Variants in XKR3 observed in about 807,000 individuals in gnomAD.
XKR3 encodes XK related 3.
Under a neutral mutation model 40.3 loss-of-function variants are expected in XKR3, and 27 were observed. The observed-to-expected ratio is 0.67, with a 90% CI of 0.49 to 0.92. XKR3 has a LOEUF of 0.92. Among genes scored for constraint, XKR3 ranks in the 40% least tolerant of loss-of-function variants. The pLI, the probability that XKR3 is intolerant of heterozygous loss-of-function variation, is 0.00. For synonymous variants in XKR3, 193 were observed against 195.4 expected (o/e 0.99, Z 0.10); for missense variants, 472 against 537.6 (o/e 0.88, Z 1.21).
chr22:16,814,529 G>A (rs73159895), intron 1 of XKR3, among the ~76,000 whole-genome samples: 211 of 152,256 alleles, frequency 1.4e-3, no homozygotes, highest in Non-Finnish European at 2.5e-3. Flanking sequence ...CTGGGATTTG[G>A]TAGAGACTTA....
intron 2 of XKR3, among the ~76,000 whole-genome samples, chr22:16,807,025 A>G (rs995465629): frequency 1.3e-5 from 2 of 152,240 alleles, no homozygotes; most frequent in African/African-American, 4.8e-5. Flanking sequence ...AATAAAATTT[A>G]TCAACATCTA....
chr22:16,814,485 A>T (rs1458116582), intron 1 of XKR3, among the ~76,000 whole-genome samples: 1 of 152,226 alleles, frequency 6.6e-6, no homozygotes, highest in Non-Finnish European at 1.5e-5. Context: ...TAAGAATAGT[A>T]GAATTGCCAT....
chr22:16,794,515 C>T lies in XKR3; in HGVS notation c.589+5256G>A, dbSNP rs1244105053. 1.7e-4 allele frequency among the ~76,000 whole-genome samples: 26 copies of T among 152,218 alleles called. No individual in the cohort carries two copies. In the East Asian group the frequency reaches 2.1e-3, roughly 12 times the overall value. On this transcript the variant is annotated intron_variant, in intron 3 of 3. Coordinates refer to ENST00000684488, the MANE Select transcript of XKR3 (RefSeq NM_001386955.1). ...ACAATTATTCTCAGACAAACAAATG[C>T]TAAGGGCATACACTTTAAATAGATT...
intron 1 of XKR3, among the ~76,000 whole-genome samples, chr22:16,810,827 T>C (rs1447531884): frequency 1.3e-5 from 2 of 152,242 alleles, no homozygotes; most frequent in Admixed American, 6.5e-5. Context: ...TTCTTTTTCT[T>C]GGTCAGGGCC....
At chr22:16,805,026 G>T (rs1175072410) in intron 2 of XKR3, among the ~76,000 whole-genome samples, 3 of 152,178 alleles carry the variant, frequency 2.0e-5, no homozygotes, top group Non-Finnish European at 2.9e-5. Context: ...TCAAAAATAA[G>T]TGAAACATGT....
rs563979156 is a variant in XKR3, at chr22:16,810,461, A to T, written c.-10-2378T>A. Among the ~76,000 whole-genome samples, 5 of 152,208 alleles carry T rather than the reference A, an allele frequency of 3.3e-5. No individual in the cohort carries two copies. In the East Asian group the frequency reaches 9.7e-4, roughly 29 times the overall value. On this transcript the variant is annotated intron_variant, in intron 1 of 3. Coordinates refer to ENST00000684488, the MANE Select transcript of XKR3 (RefSeq NM_001386955.1). ...ATGCAGAATCTAGCCACTTTTCCCT[A>T]TTCCTCCTGCTATCACCCAGATGCA...
At chr22:16,814,382 G>T (rs1601850559) in intron 1 of XKR3, among the ~76,000 whole-genome samples, 1 of 152,242 alleles carries the variant, frequency 6.6e-6, no homozygotes, top group Non-Finnish European at 1.5e-5. Context: ...TTGGTGTATT[G>T]TGTCAGTACC....
intron 3 of XKR3, among the ~76,000 whole-genome samples, chr22:16,785,180 A>G (rs1365795358): frequency 3.0e-4 from 45 of 152,164 alleles, no homozygotes; most frequent in Admixed American, 9.2e-4. Flanking sequence ...AGCCGGGCGT[A>G]GTGGTGGGAG....
Position 16,783,866 on chromosome 22 carries a change from A to G in XKR3, c.1133T>C (p.Ile378Thr). 6.2e-7 allele frequency: 1 copy of G among 1,614,210 alleles called. No homozygotes were observed. Among genetic ancestry groups the G allele is most frequent in the Middle Eastern group, 1.6e-4 (1 of 6,062 alleles). ...KTLLNCCDSL[I>T]AVQLIISYLL... ...GTAGCTTATGATGAGCTGCACGGCA[A>G]TTAATGAGTCACAACAATTCAGCAA... The change falls in exon 4 of 4, where the codon ATT becomes ACT. Residue 378 changes from isoleucine to threonine, a missense_variant. Ile to Thr is a moderately conservative substitution (Grantham distance 89). Transcript: ENST00000684488.
intron 1 of XKR3, among the ~76,000 whole-genome samples, chr22:16,813,302 A>AC (rs1486910631): frequency 6.6e-6 from 1 of 151,832 alleles, no homozygotes; most frequent in Non-Finnish European, 1.5e-5. Flanking sequence ...CAAAAAACAA[A>AC]AAACAAACAA....
At position 16,807,787 on chromosome 22, in the gene XKR3, T is replaced by G; in HGVS notation, c.287A>C (p.Lys96Thr). ...AATGTGCCAAAAAAGTAATGCAGCC[T>G]TATTTCTCCTCAAGTCTTTGTTGAA... The part of the protein sequence containing the change: ...MFFNKDLRRN[K>T]AALLFWHILL... The change falls in exon 2 of 4, where the codon AAG becomes ACG. Residue 96 changes from lysine to threonine, a missense_variant. Transcript: ENST00000684488. 6.2e-7 allele frequency: 1 copy of G among 1,612,808 alleles called. No individual in the cohort carries two copies. Among genetic ancestry groups the G allele is most frequent in the Non-Finnish European group, 8.5e-7 (1 of 1,179,286 alleles).
chr22:16,795,887 A>G (rs1447515273), intron 3 of XKR3, among the ~76,000 whole-genome samples: 1 of 152,120 alleles, frequency 6.6e-6, no homozygotes, highest in Non-Finnish European at 1.5e-5. Flanking sequence ...GAATTGCTTG[A>G]ACCTGGGAGG....
chr22:16,821,317 A>G (rs2060254686), intron 1 of XKR3, among the ~76,000 whole-genome samples: 1 of 152,182 alleles, frequency 6.6e-6, no homozygotes, highest in African/African-American at 2.4e-5. Flanking sequence ...AAAAATATCA[A>G]TAGAAAGAAT....
At chr22:16,815,849 C>T (rs1249565581) in intron 1 of XKR3, among the ~76,000 whole-genome samples, 2 of 151,906 alleles carry the variant, frequency 1.3e-5, no homozygotes, top group Non-Finnish European at 2.9e-5. Flanking sequence ...GACAATGCTA[C>T]TGAGGCATTT....
At chr22:16,794,746 T>C (rs1478137935) in intron 3 of XKR3, among the ~76,000 whole-genome samples, 5 of 152,102 alleles carry the variant, frequency 3.3e-5, no homozygotes, top group Non-Finnish European at 7.4e-5. Context: ...GTAGGCTGAA[T>C]AAAAAGACAA....
At chr22:16,821,482 G>C (rs186139903) in intron 1 of XKR3, 6 of 152,012 alleles carry the variant, frequency 3.9e-5, no homozygotes, top group African/African-American at 1.2e-4. Context: ...AAGTGAATTT[G>C]CTTTCCAGGT....
In XKR3 at chr22:16,803,647, C is replaced by T. The variant is rs1192268141; in HGVS notation, c.336-3623G>A. Among the ~76,000 whole-genome samples the T allele has an allele frequency of 2.6e-5, 4 of 152,144 alleles. No homozygotes were observed. The East Asian group carries it at 7.7e-4, about 29-fold the overall frequency. ...TGCAGCAAAGGAGCCAGTCAAAATGCACGAAAACCAAAATGGCCACAAGAG... is the reference window on the plus strand; with the variant it reads ...TGCAGCAAAGGAGCCAGTCAAAATGTACGAAAACCAAAATGGCCACAAGAG... On this transcript the variant is annotated intron_variant, in intron 2 of 3. Coordinates refer to ENST00000684488, the MANE Select transcript of XKR3 (RefSeq NM_001386955.1).
At chr22:16,813,546 A>G (rs563455074) in intron 1 of XKR3, among the ~76,000 whole-genome samples, 1 of 152,306 alleles carries the variant, frequency 6.6e-6, no homozygotes, top group South Asian at 2.1e-4. Context: ...GATTTGCACC[A>G]ATTATATCAG....
chr22:16,797,737 G>A (rs2060148016), intron 3 of XKR3, among the ~76,000 whole-genome samples: 1 of 149,620 alleles, frequency 6.7e-6, no homozygotes, highest in Non-Finnish European at 1.5e-5. Context: ...AACTTGCAGT[G>A]AGCCGAGATT....
Sources: allele counts gnomAD v4.1 joint callset (sites outside exome capture counted in the v4.1 genomes callset), GRCh38; gene constraint gnomAD v4.1.1; transcripts MANE v1.5; gene names NCBI Gene and HGNC (gene_info 2026-07-23, HGNC 2026-07-21).